CNST: variants seen among roughly 807,000 people sequenced by gnomAD.
CNST encodes consortin.
CNST carries 39 observed loss-of-function variants against 72.4 expected under a neutral mutation model. The ratio of observed to expected loss-of-function variants is 0.54; its 90% CI spans 0.42 to 0.70. The LOEUF is 0.70. Among genes scored for constraint, CNST ranks in the 30% least tolerant of loss-of-function variants. The pLI, the probability that CNST is intolerant of heterozygous loss-of-function variation, is 0.00. For missense variants in CNST, 871 were observed against 868.5 expected, an observed-to-expected ratio of 1.00 and a Z score of -0.04; for synonymous variants, 332 against 320.1, an observed-to-expected ratio of 1.04 and a Z score of -0.40.
intron 1 of CNST, among the ~76,000 whole-genome samples, chr1:246,580,852 C>T (rs911546096): frequency 2.0e-5 from 3 of 152,036 alleles, no homozygotes; most frequent in South Asian, 2.1e-4. Flanking sequence ...GCGATTGCCC[C>T]GCCTCAGCTT....
chr1:246,666,124 G>A lies in CNST; in HGVS notation c.*219G>A. 3.8e-6 allele frequency: 2 copies of A among 532,292 alleles called. No individual in the cohort carries two copies. The highest frequency in any genetic ancestry group is 6.6e-5 in the Admixed American group (2 of 30,406). The allele number at this position is 532,292 out of a possible 1,614,324, so 33.0% of individuals were successfully genotyped here. A position where few individuals can be genotyped will look rare whatever the true frequency, so the allele number is the denominator to read the frequency against. On this transcript the variant is annotated 3_prime_UTR_variant, in exon 11 of 11. Coordinates refer to ENST00000366513, the MANE Select transcript of CNST (RefSeq NM_152609.3). ...CTAAGCATTGTGGATGGAAGGAATGGTCTTTGGAGAGAGCATATCCATCTC... is the reference window on the plus strand; with the variant it reads ...CTAAGCATTGTGGATGGAAGGAATGATCTTTGGAGAGAGCATATCCATCTC...
chr1:246,591,602 G>A lies in CNST; in HGVS notation c.40G>A (p.Glu14Lys). Residue 14 changes from glutamate (E) to lysine (K), a missense_variant, in exon 2 of 11, where the codon GAA becomes AAA. By Grantham distance (56) the Glu-to-Lys change is moderately conservative. Transcript: ENST00000366513. ...TACTCCTACATATTATCTGCAAATA[G>A]AACCACAAGATGGATGTCATCCTGG... The part of the protein sequence containing the change: ...SDTPTYYLQI[E>K]PQDGCHPGDS... 2.5e-6 allele frequency: 4 copies of A among 1,614,136 alleles called. No individual in the cohort carries two copies. Among genetic ancestry groups the A allele is most frequent in the Non-Finnish European group, 3.4e-6 (4 of 1,179,978 alleles).
intron 1 of CNST, among the ~76,000 whole-genome samples, chr1:246,567,395 C>A (rs1659779147): frequency 6.6e-6 from 1 of 151,072 alleles, no homozygotes; most frequent in Non-Finnish European, 1.5e-5. Context: ...AGACACGGTT[C>A]TTTGAGAGTG....
intron 2 of CNST, among the ~76,000 whole-genome samples, chr1:246,609,891 G>A (rs1663186895): frequency 6.6e-6 from 1 of 152,150 alleles, no homozygotes; most frequent in Admixed American, 6.5e-5. Flanking sequence ...TCATTCTACA[G>A]TTCAGTGGCA....
chr1:246,596,012 C>T (rs1021246052), intron 2 of CNST, among the ~76,000 whole-genome samples: 1 of 151,974 alleles, frequency 6.6e-6, no homozygotes, highest in Non-Finnish European at 1.5e-5. Context: ...ATCTTAGCCT[C>T]AGGGAAGTCC....
chr1:246,589,115 T>C (rs963443931), intron 1 of CNST, among the ~76,000 whole-genome samples: 1 of 151,992 alleles, frequency 6.6e-6, no homozygotes, highest in Admixed American at 6.6e-5. Context: ...TTGTTTTATT[T>C]TATTTTATTA....
chr1:246,626,542 C>A (rs1349346853), intron 3 of CNST, among the ~76,000 whole-genome samples: 2 of 149,934 alleles, frequency 1.3e-5, no homozygotes, highest in Non-Finnish European at 3.0e-5. Context: ...ACTACAACCT[C>A]CGCTTCCCGA....
intron 8 of CNST, among the ~76,000 whole-genome samples, chr1:246,646,737 C>T (rs946475949): frequency 6.6e-6 from 1 of 152,222 alleles, no homozygotes; most frequent in African/African-American, 2.4e-5. Flanking sequence ...ACCTCGGCCT[C>T]CCAAAGTGCT....
chr1:246,632,371 G>A, intron 4 of CNST: 1 of 259,728 alleles, frequency 3.9e-6, no homozygotes, highest in Non-Finnish European at 7.7e-6. Flanking sequence ...CGTATCTGTC[G>A]TTGTAATTGG....
At chr1:246,657,752 A>G (rs1237990100) in intron 9 of CNST, among the ~76,000 whole-genome samples, 2 of 152,338 alleles carry the variant, frequency 1.3e-5, no homozygotes, top group East Asian at 3.9e-4. Flanking sequence ...CCGCTGCACT[A>G]GGACCAGCTC....
chr1:246,603,320 A>C (rs1241811764), intron 2 of CNST, among the ~76,000 whole-genome samples: 2 of 150,274 alleles, frequency 1.3e-5, no homozygotes, highest in Non-Finnish European at 3.0e-5. Context: ...TGTGAAAGTC[A>C]AACTTTCCAA....
In CNST at chr1:246,656,214, G is replaced by A. The variant is rs565107106; in HGVS notation, c.1837-3985G>A. Among the ~76,000 whole-genome samples, 5 of 148,598 alleles carry A rather than the reference G, an allele frequency of 3.4e-5. No individual in the cohort carries two copies. The East Asian group carries it at 7.7e-4, about 23-fold the overall frequency. On this transcript the variant is annotated intron_variant, in intron 9 of 10. Transcript: ENST00000366513. Reference sequence around the variant, plus strand: ...GGTATCTGTTTTCTTCTTTAATTTTGTGAGGAGGCACTTCCAACAGCAGTG... The same window carrying A: ...GGTATCTGTTTTCTTCTTTAATTTTATGAGGAGGCACTTCCAACAGCAGTG...
At chr1:246,622,646 C>T (rs1427086938) in intron 3 of CNST, among the ~76,000 whole-genome samples, 1 of 152,100 alleles carries the variant, frequency 6.6e-6, no homozygotes, top group African/African-American at 2.4e-5. Context: ...ATCACATTTG[C>T]ATTTTAGAAG....
chr1:246,566,746 C>T (rs1463161695), intron 1 of CNST, 83 bp downstream of exon 1: 2 of 399,524 alleles, frequency 5.0e-6, no homozygotes, highest in African/African-American at 2.1e-5. Context: ...CTCGCTCCTC[C>T]CCCTGCGCTG....
intron 9 of CNST, among the ~76,000 whole-genome samples, chr1:246,654,031 A>C (rs1432463340): frequency 6.6e-6 from 1 of 152,200 alleles, no homozygotes; most frequent in African/African-American, 2.4e-5. Context: ...GAACACACGG[A>C]CTGTGAGTTT....
At chr1:246,635,299 G>A (rs921035638) in intron 6 of CNST, among the ~76,000 whole-genome samples, 8 of 151,746 alleles carry the variant, frequency 5.3e-5, no homozygotes, top group Non-Finnish European at 2.9e-5. Flanking sequence ...ATTGTCTGGC[G>A]ATTAACTGTA....
At chr1:246,641,009 A>C (rs555158143) in intron 6 of CNST, among the ~76,000 whole-genome samples, 1 of 152,186 alleles carries the variant, frequency 6.6e-6, no homozygotes, top group African/African-American at 2.4e-5. Context: ...AGTAACCACT[A>C]TCTGGACTCT....
intron 8 of CNST, among the ~76,000 whole-genome samples, chr1:246,645,794 T>C (rs1055723332): frequency 1.3e-5 from 2 of 152,176 alleles, no homozygotes; most frequent in Non-Finnish European, 2.9e-5. Flanking sequence ...ATAAGCAAGC[T>C]TCTCTGTTAC....
chr1:246,597,396 C>T (rs1036430949), intron 2 of CNST, among the ~76,000 whole-genome samples: 2 of 152,170 alleles, frequency 1.3e-5, no homozygotes, highest in African/African-American at 4.8e-5. Flanking sequence ...CTTCCCTTCC[C>T]CAAGCGGTGG....
Sources: allele counts gnomAD v4.1 joint callset (sites outside exome capture counted in the v4.1 genomes callset), GRCh38; gene constraint gnomAD v4.1.1; transcripts MANE v1.5; gene names NCBI Gene and HGNC (gene_info 2026-07-23, HGNC 2026-07-21).